PLXNC1: variants seen among roughly 807,000 people sequenced by gnomAD.
PLXNC1 encodes plexin C1, also known as plexin-C1.
Under a neutral mutation model 178.2 loss-of-function variants are expected in PLXNC1, and 75 were observed. That is an observed-to-expected ratio of 0.42 (90% CI 0.35 to 0.51). The LOEUF is 0.51. Among genes scored for constraint, PLXNC1 ranks in the 20% least tolerant of loss-of-function variants. The pLI, the probability that PLXNC1 is intolerant of heterozygous loss-of-function variation, is 0.02. For synonymous variants in PLXNC1, 790 were observed against 779.9 expected (o/e 1.01, Z -0.22); for missense variants, 1,503 against 1,984.4 (o/e 0.76, Z 4.61).
chr12:94,186,587 T>G, intron 4 of PLXNC1, 114 bp downstream of exon 4: 23 of 675,852 alleles, frequency 3.4e-5, no homozygotes, highest in East Asian at 5.7e-5. Context: ...AACTGATCTC[T>G]TCCTCGACTA....
chr12:94,286,274 CAAAT>C (rs1340264325), intron 23 of PLXNC1, among the ~76,000 whole-genome samples: 2 of 152,090 alleles, frequency 1.3e-5, no homozygotes, highest in Non-Finnish European at 2.9e-5. Context: ...AGCCATAAGG[CAAAT>C]AAACCAGAGA....
intron 23 of PLXNC1, among the ~76,000 whole-genome samples, chr12:94,286,107 A>G (rs1449584664): frequency 6.6e-6 from 1 of 152,188 alleles, no homozygotes; most frequent in African/African-American, 2.4e-5. Flanking sequence ...CTAGACACCT[A>G]TCTGCTTAAG....
intron 20 of PLXNC1, among the ~76,000 whole-genome samples, chr12:94,261,340 C>T (rs967682270): frequency 6.6e-6 from 1 of 152,194 alleles, no homozygotes; most frequent in African/African-American, 2.4e-5. Context: ...ATGTGGTTGT[C>T]ACTAATTGAA....
intron 26 of PLXNC1, among the ~76,000 whole-genome samples, chr12:94,298,151 A>G (rs1160157766): frequency 6.6e-6 from 1 of 152,266 alleles, no homozygotes; most frequent in Non-Finnish European, 1.5e-5. Context: ...GCTGTCCCAT[A>G]GAGCCCAGCC....
chr12:94,186,727 G>C (rs1962524191), intron 4 of PLXNC1: 4 of 401,134 alleles, frequency 1.0e-5, no homozygotes, highest in Non-Finnish European at 1.9e-5. Context: ...TCAGGAGAAC[G>C]GGAGAGAGCA....
intron 9 of PLXNC1, among the ~76,000 whole-genome samples, chr12:94,236,589 C>T (rs1248688407): frequency 6.6e-6 from 1 of 152,196 alleles, no homozygotes; most frequent in African/African-American, 2.4e-5. Context: ...TTAAGCATCT[C>T]TGGACTTTGG....
intron 23 of PLXNC1, 57 bp from the exon 24 acceptor site, chr12:94,294,429 A>T: frequency 1.4e-6 from 1 of 728,850 alleles, no homozygotes; most frequent in Non-Finnish European, 2.4e-6. Flanking sequence ...TTCCTGGGTG[A>T]AGTTGAGAAA....
Position 94,303,742 on chromosome 12 carries a change from T to C in PLXNC1, c.4387-14T>C, listed in dbSNP as rs1359771495. The C allele has an allele frequency of 2.1e-6, 3 of 1,396,198 alleles. No individual in the cohort carries two copies. Among genetic ancestry groups the C allele is most frequent in the South Asian group, 1.7e-5 (1 of 58,426 alleles). 86.5% of individuals were successfully genotyped at this position (1,396,198 alleles called of 1,614,324 possible). ...TTTTGGTGATGGTTGCTTTTTTTTT[T>C]TTTTTTTCCCCAGGAAGCACCAACT... On this transcript the variant is annotated splice_polypyrimidine_tract_variant and intron_variant, in intron 28 of 30. Transcript: ENST00000258526.
chr12:94,202,150 G>A (rs1027037560), intron 4 of PLXNC1, among the ~76,000 whole-genome samples: 2 of 152,104 alleles, frequency 1.3e-5, no homozygotes, highest in Admixed American at 6.5e-5. Flanking sequence ...TCTAAAGTGG[G>A]TTCCTTTCTA....
At position 94,231,693 on chromosome 12, in the gene PLXNC1, C is replaced by A. The variant is rs868542441; in HGVS notation, c.1980+4458C>A. ...TGTGACCACAATAGAGAAATGAGCT[C>A]AAAAATCTATGTATGACCTTGGAGG... On this transcript the variant is annotated intron_variant, in intron 9 of 30. Coordinates refer to ENST00000258526, the MANE Select transcript of PLXNC1 (RefSeq NM_005761.3). 2.2e-4 allele frequency among the ~76,000 whole-genome samples: 33 copies of A among 152,048 alleles called. 1 individual carries two copies. The highest frequency in any genetic ancestry group is 6.8e-3 in the Middle Eastern group (2 of 294).
intron 3 of PLXNC1, among the ~76,000 whole-genome samples, chr12:94,182,139 G>T (rs1962330830): frequency 6.6e-6 from 1 of 152,154 alleles, no homozygotes; most frequent in South Asian, 2.1e-4. Context: ...AAGGGGAAAA[G>T]AAACTAATTG....
At chr12:94,177,139 G>A (rs372205415) in intron 2 of PLXNC1, among the ~76,000 whole-genome samples, 1,455 of 81,104 alleles carry the variant, frequency 0.018, 28 homozygotes, top group African/African-American at 0.059. Flanking sequence ...GTATATATAT[G>A]TGTGTGTGTG....
Position 94,260,526 on chromosome 12 carries a change from AAG to A in PLXNC1, c.3252-115_3252-114del. 3.3e-6 allele frequency: 2 copies of A among 608,702 alleles called. No homozygotes were observed. Among genetic ancestry groups the A allele is most frequent in the South Asian group, 2.1e-5 (1 of 47,544 alleles). 37.7% of individuals were successfully genotyped at this position (608,702 alleles called of 1,614,324 possible). Reference sequence around the variant, plus strand: ...CTAAACATTAAAAAAAAAAAAAAAAAAGCTCCCAACCCAACAGGCCAGCTCCC... The same window carrying A: ...CTAAACATTAAAAAAAAAAAAAAAAACTCCCAACCCAACAGGCCAGCTCCC... On this transcript the variant is annotated intron_variant, in intron 19 of 30. Transcript: ENST00000258526. The surrounding 1 kb of genome is among the most constrained non-coding windows in gnomAD (Gnocchi z 4.4).
intron 5 of PLXNC1, among the ~76,000 whole-genome samples, chr12:94,218,976 A>C (rs7969106): frequency 0.17 from 25,376 of 152,204 alleles, 2,523 homozygotes; most frequent in African/African-American, 0.27. Flanking sequence ...AGATGAAAAA[A>C]GTCATGTGTT....
chr12:94,249,076 A>T (rs1964607197), intron 14 of PLXNC1, among the ~76,000 whole-genome samples: 1 of 152,174 alleles, frequency 6.6e-6, no homozygotes, highest in Admixed American at 6.5e-5. Context: ...AAATAATTGG[A>T]TAAAAGACAA....
intron 28 of PLXNC1, among the ~76,000 whole-genome samples, chr12:94,302,638 AC>A (rs1968578491): frequency 6.6e-6 from 1 of 152,172 alleles, no homozygotes. Context: ...AGTTATTATT[AC>A]CCTCATTTTA....
chr12:94,258,774 A>G (rs1964921721), intron 17 of PLXNC1, among the ~76,000 whole-genome samples: 1 of 152,258 alleles, frequency 6.6e-6, no homozygotes, highest in Admixed American at 6.5e-5. Context: ...AGATGAGGCA[A>G]GTCAGACACA....
intron 6 of PLXNC1, among the ~76,000 whole-genome samples, chr12:94,220,838 C>G (rs11107457): frequency 0.68 from 103,423 of 152,060 alleles, 35,795 homozygotes; most frequent in Middle Eastern, 0.78. Flanking sequence ...CAGACAAAGA[C>G]GATGGGGATG....
At chr12:94,209,535 G>C (rs1196439534) in intron 4 of PLXNC1, 55 bp from the exon 5 acceptor site, 1 of 993,292 alleles carries the variant, frequency 1.0e-6, no homozygotes, top group Non-Finnish European at 1.6e-6. Flanking sequence ...GTATGGGGTC[G>C]CTGTTTTAAC....
Sources: allele counts gnomAD v4.1 joint callset (sites outside exome capture counted in the v4.1 genomes callset), GRCh38; gene constraint gnomAD v4.1.1; non-coding constraint Gnocchi (gnomAD v3.1); transcripts MANE v1.5; gene names NCBI Gene and HGNC (gene_info 2026-07-23, HGNC 2026-07-21).